The following DLGAP2 variants were observed in gnomAD, a reference collection of about 807,000 sequenced individuals.
The protein encoded by DLGAP2 is disks large-associated protein 2.
A neutral mutation model predicts 100.3 loss-of-function variants in DLGAP2; 26 were observed. The observed-to-expected ratio is 0.26, with a 90% CI of 0.19 to 0.36. The LOEUF is 0.36. DLGAP2 is among the 10% of genes least tolerant of loss of function. DLGAP2 has a pLI of 1.00. For synonymous variants in DLGAP2, 886 were observed against 630.1 expected (o/e 1.41, Z -6.08); for missense variants, 1,858 against 1,453.2 (o/e 1.28, Z -4.53).
intron 1 of DLGAP2, among the ~76,000 whole-genome samples, chr8:864,303 C>T (rs537977049): frequency 2.6e-5 from 4 of 152,070 alleles, no homozygotes; most frequent in South Asian, 2.1e-4. Context: ...GAATATCGTA[C>T]GGTATGTCCC....
At chr8:1,289,233 G>C (rs565746939) in intron 3 of DLGAP2, among the ~76,000 whole-genome samples, 2 of 152,194 alleles carry the variant, frequency 1.3e-5, no homozygotes, top group Non-Finnish European at 2.9e-5. Flanking sequence ...TTAAAGATTG[G>C]ATGAGGTACA....
At chr8:1,387,132 G>A (rs908581115) in intron 3 of DLGAP2, among the ~76,000 whole-genome samples, 2 of 152,192 alleles carry the variant, frequency 1.3e-5, no homozygotes, top group Non-Finnish European at 2.9e-5. Flanking sequence ...GAGCCGTCGT[G>A]ATCATTGACA....
intron 2 of DLGAP2, among the ~76,000 whole-genome samples, chr8:1,037,299 C>T (rs1188824771): frequency 1.3e-5 from 2 of 152,194 alleles, no homozygotes; most frequent in African/African-American, 2.4e-5. Context: ...ACTTCAGGCT[C>T]TGGCTCAACC....
intron 2 of DLGAP2, among the ~76,000 whole-genome samples, chr8:1,253,611 C>T (rs1325425435): frequency 1.3e-5 from 2 of 152,148 alleles, no homozygotes; most frequent in Non-Finnish European, 2.9e-5. Flanking sequence ...TTGCTGTTCA[C>T]GTGTGGAGCT....
intron 2 of DLGAP2, among the ~76,000 whole-genome samples, chr8:1,214,044 C>T (rs1003290618): frequency 4.0e-5 from 6 of 151,758 alleles, no homozygotes; most frequent in Admixed American, 1.3e-4. Context: ...TGTCCACAGC[C>T]GCCTGTCCTC....
chr8:1,669,088 T>C (rs1260921796), intron 9 of DLGAP2, among the ~76,000 whole-genome samples: 5 of 152,128 alleles, frequency 3.3e-5, no homozygotes, highest in African/African-American at 1.2e-4. Flanking sequence ...GGCCAAAGAA[T>C]TGAGTGGGGA....
intron 3 of DLGAP2, among the ~76,000 whole-genome samples, chr8:1,499,498 G>A (rs1384434740): frequency 2.0e-5 from 3 of 152,192 alleles, no homozygotes; most frequent in Non-Finnish European, 4.4e-5. Flanking sequence ...AATTAGAGCT[G>A]TCCATCATAT....
chr8:1,042,227 G>A (rs1000204835), intron 2 of DLGAP2, among the ~76,000 whole-genome samples: 1 of 152,210 alleles, frequency 6.6e-6, no homozygotes, highest in Non-Finnish European at 1.5e-5. Flanking sequence ...CCCCCTGGCT[G>A]TGGAGAGTGG....
intron 2 of DLGAP2, among the ~76,000 whole-genome samples, chr8:1,051,362 A>G (rs1802706073): frequency 6.6e-6 from 1 of 152,010 alleles, no homozygotes; most frequent in Admixed American, 6.6e-5. Context: ...TCCATACAAG[A>G]TCGTTTTACC....
intron 2 of DLGAP2, among the ~76,000 whole-genome samples, chr8:1,018,301 G>T (rs550108612): frequency 1.3e-5 from 2 of 152,194 alleles, no homozygotes; most frequent in Non-Finnish European, 2.9e-5. Context: ...CTGATGTTCA[G>T]TGTGTGACTA....
intron 2 of DLGAP2, among the ~76,000 whole-genome samples, chr8:1,117,056 A>G (rs780555153): frequency 2.0e-5 from 3 of 152,222 alleles, no homozygotes; most frequent in South Asian, 2.1e-4. Flanking sequence ...GCAGGATCCC[A>G]AAGCTTTATG....
chr8:1,554,998 G>A (rs1005869683), intron 5 of DLGAP2, among the ~76,000 whole-genome samples: 1 of 152,190 alleles, frequency 6.6e-6, no homozygotes, highest in East Asian at 1.9e-4. Context: ...GAAAGAACTG[G>A]CCAGCCTGGC....
At chr8:1,573,602 C>T (rs902108397) in intron 6 of DLGAP2, among the ~76,000 whole-genome samples, 1 of 141,278 alleles carries the variant, frequency 7.1e-6, no homozygotes, top group South Asian at 2.3e-4. Flanking sequence ...CTCGTTTATT[C>T]GGGAAGTATG....
intron 2 of DLGAP2, among the ~76,000 whole-genome samples, chr8:1,114,245 G>GT (rs957329118): frequency 2.6e-5 from 4 of 152,004 alleles, no homozygotes; most frequent in Admixed American, 2.0e-4. Flanking sequence ...CTCCTTTTCA[G>GT]TTTTTTTTAA....
intron 2 of DLGAP2, among the ~76,000 whole-genome samples, chr8:1,055,089 T>C (rs1167270188): frequency 2.6e-5 from 4 of 152,348 alleles, no homozygotes; most frequent in Admixed American, 6.5e-5. Flanking sequence ...ATCAACTTCT[T>C]AAAAATTTTA....
intron 2 of DLGAP2, among the ~76,000 whole-genome samples, chr8:1,146,231 C>T (rs188288526): frequency 2.6e-5 from 4 of 152,302 alleles, no homozygotes; most frequent in African/African-American, 7.2e-5. Context: ...CCTGGATGCT[C>T]GGTCACCTCG....
intron 2 of DLGAP2, among the ~76,000 whole-genome samples, chr8:1,047,784 C>T (rs1026580929): frequency 6.6e-6 from 1 of 152,242 alleles, no homozygotes; most frequent in South Asian, 2.1e-4. Flanking sequence ...CTTCCAAAGG[C>T]CCCACCTCCT....
chr8:1,618,298 T>C (rs950021199), intron 6 of DLGAP2, among the ~76,000 whole-genome samples: 4 of 152,202 alleles, frequency 2.6e-5, no homozygotes, highest in Admixed American at 1.3e-4. Flanking sequence ...TAGAAATCAA[T>C]TGCATTTCTG....
chr8:1,414,353 G>T (rs1288493241), intron 3 of DLGAP2, among the ~76,000 whole-genome samples: 1 of 152,366 alleles, frequency 6.6e-6, no homozygotes, highest in Admixed American at 6.5e-5. Flanking sequence ...GCCAGGGAGA[G>T]GCAGTGAGGA....
Sources: gnomAD v4.1 joint callset for allele counts (sites outside exome capture counted in the v4.1 genomes callset) on GRCh38, gnomAD v4.1.1 for gene constraint, MANE v1.5 for transcripts, NCBI Gene and HGNC (gene_info 2026-07-23, HGNC 2026-07-21) for gene names.